The following CCDC149 variants were observed in gnomAD, a reference collection of about 807,000 sequenced individuals.
CCDC149 encodes the protein coiled-coil domain containing 149.
In CCDC149, 45 loss-of-function variants were observed where a neutral mutation model predicts 59.9. The observed-to-expected ratio is 0.75, with a 90% CI of 0.59 to 0.96. The LOEUF (loss-of-function observed/expected upper bound fraction) is 0.96. Ranked by LOEUF, CCDC149 falls within the 40% of genes least tolerant of loss-of-function variation. CCDC149 has a pLI of 0.00. For missense variants in CCDC149, 584 were observed against 664.7 expected, an observed-to-expected ratio of 0.88 and a Z score of 1.33; for synonymous variants, 245 against 260.6, an observed-to-expected ratio of 0.94 and a Z score of 0.58.
At chr4:24,897,283 T>C (rs1720900192) in intron 1 of CCDC149, among the ~76,000 whole-genome samples, 1 of 152,006 alleles carries the variant, frequency 6.6e-6, no homozygotes, top group Admixed American at 6.6e-5. Flanking sequence ...CAGACAGAAA[T>C]AGAAGTGGTT....
intron 3 of CCDC149, among the ~76,000 whole-genome samples, chr4:24,870,629 C>G (rs1718983806): frequency 6.6e-6 from 1 of 152,174 alleles, no homozygotes; most frequent in Non-Finnish European, 1.5e-5. Context: ...AACAGACTTA[C>G]TGGGATTGAT....
chr4:24,906,525 A>C (rs868068998), intron 1 of CCDC149, among the ~76,000 whole-genome samples: 2 of 151,682 alleles, frequency 1.3e-5, no homozygotes, highest in African/African-American at 2.4e-5. Flanking sequence ...CGGCCTCCCG[A>C]GTAGCTGGGA....
At chr4:24,952,207 T>A (rs982653177) in intron 1 of CCDC149, among the ~76,000 whole-genome samples, 1 of 152,214 alleles carries the variant, frequency 6.6e-6, no homozygotes, top group Non-Finnish European at 1.5e-5. Context: ...GCCTCAAACC[T>A]TCGGCTTTGT....
chr4:24,849,681 C>T (rs1167978200), intron 4 of CCDC149, among the ~76,000 whole-genome samples: 1 of 152,200 alleles, frequency 6.6e-6, no homozygotes, highest in Admixed American at 6.5e-5. Context: ...ATATCCAAGG[C>T]AAGTAATTTC....
chr4:24,916,287 A>C (rs192019090), upstream of CCDC149, among the ~76,000 whole-genome samples: 1 of 152,316 alleles, frequency 6.6e-6, no homozygotes, highest in East Asian at 1.9e-4. Context: ...CTTTTGAGTG[A>C]TGCTTTTCAC....
At chr4:24,829,033 A>C (rs1238925855) in intron 9 of CCDC149, 2 of 152,420 alleles carry the variant, frequency 1.3e-5, no homozygotes, top group Non-Finnish European at 2.9e-5. Flanking sequence ...CAGCCTGTGG[A>C]TGCTGTCTTT....
chr4:24,926,710 C>A (rs897973145), intron 1 of CCDC149, among the ~76,000 whole-genome samples: 6 of 152,158 alleles, frequency 3.9e-5, no homozygotes, highest in Admixed American at 6.5e-5. Context: ...AATGGCGTAA[C>A]AGGGAAAGCT....
intron 4 of CCDC149, among the ~76,000 whole-genome samples, chr4:24,845,160 T>A (rs546074049): frequency 6.6e-6 from 1 of 152,302 alleles, no homozygotes; most frequent in African/African-American, 2.4e-5. Flanking sequence ...TATAGAACTT[T>A]CTTTATTTAA....
intron 1 of CCDC149, among the ~76,000 whole-genome samples, chr4:24,955,078 C>A (rs1560268614): frequency 6.6e-6 from 1 of 152,090 alleles, no homozygotes; most frequent in Non-Finnish European, 1.5e-5. Flanking sequence ...TTTTGTCTTA[C>A]TCCATTTGTG....
At chr4:24,855,591 G>GA (rs1223804384) in intron 3 of CCDC149, among the ~76,000 whole-genome samples, 1 of 138,526 alleles carries the variant, frequency 7.2e-6, no homozygotes, top group African/African-American at 2.8e-5. Flanking sequence ...AAAAAAGGAA[G>GA]AAAAAAGAAA....
intron 1 of CCDC149, among the ~76,000 whole-genome samples, chr4:24,903,430 C>T (rs1157621287): frequency 6.6e-6 from 1 of 152,142 alleles, no homozygotes; most frequent in Non-Finnish European, 1.5e-5. Flanking sequence ...GAGGGCAGAG[C>T]AAGGACTTGG....
intron 4 of CCDC149, among the ~76,000 whole-genome samples, chr4:24,846,797 G>A (rs1315579521): frequency 6.6e-6 from 1 of 152,216 alleles, no homozygotes; most frequent in Non-Finnish European, 1.5e-5. Flanking sequence ...GGCCCAGGAA[G>A]TGTAAATGTG....
intron 3 of CCDC149, among the ~76,000 whole-genome samples, chr4:24,855,639 T>TCAA (rs10639020): frequency 0.79 from 119,156 of 151,424 alleles, 46,894 homozygotes; most frequent in East Asian, 0.91. Flanking sequence ...CTGGATTTAA[T>TCAA]CAAGCCCTGA....
At chr4:24,852,643 A>C (rs1717737318) in intron 4 of CCDC149, among the ~76,000 whole-genome samples, 1 of 152,242 alleles carries the variant, frequency 6.6e-6, no homozygotes, top group African/African-American at 2.4e-5. Flanking sequence ...TTTAGCAATA[A>C]AATAAATTGG....
chr4:24,935,896 T>C (rs898965813), intron 1 of CCDC149, among the ~76,000 whole-genome samples: 2 of 152,080 alleles, frequency 1.3e-5, no homozygotes, highest in African/African-American at 4.8e-5. Flanking sequence ...CCTAGAACTC[T>C]CAATTTTTAG....
At chr4:24,955,120 T>C (rs1723430453) in intron 1 of CCDC149, among the ~76,000 whole-genome samples, 2 of 152,150 alleles carry the variant, frequency 1.3e-5, no homozygotes, top group South Asian at 4.1e-4. Context: ...GACTTGGTGA[T>C]TTATGGAGAA....
intron 2 of CCDC149, 140 bp from the exon 3 acceptor site, chr4:24,873,859 G>T: frequency 1.7e-6 from 1 of 599,322 alleles, no homozygotes; most frequent in South Asian, 2.1e-5. Context: ...GCTGAAGCAA[G>T]CTCAAATATA....
chr4:24,808,709 C>A lies in CCDC149; in HGVS notation c.1303G>T (p.Gly435Trp), dbSNP rs1314685704. 6.4e-7 allele frequency: 1 copy of A among 1,552,186 alleles called. No homozygotes were observed. The highest frequency in any genetic ancestry group is 1.4e-5 in the African/African-American group (1 of 73,050). The stretch of plus-strand genomic sequence containing the variant: ...GGATGAAAGAGCTTGCATTGGTTCC[C>A]GCGGCTCTGATTTGCTGGGGAGTTG... Residue 435 changes from glycine to tryptophan, a missense_variant, in exon 13 of 13, where the codon GGG (glycine) becomes TGG (tryptophan). Transcript: ENST00000635206.
intron 1 of CCDC149, among the ~76,000 whole-genome samples, chr4:24,929,735 T>G (rs982624099): frequency 2.6e-5 from 4 of 152,222 alleles, no homozygotes; most frequent in Non-Finnish European, 5.9e-5. Context: ...CATCGCAGAA[T>G]CTTCCAGCTA....
Sources: gnomAD v4.1 joint callset for allele counts (sites outside exome capture counted in the v4.1 genomes callset) on GRCh38, gnomAD v4.1.1 for gene constraint, MANE v1.5 for transcripts, NCBI Gene and HGNC (gene_info 2026-07-23, HGNC 2026-07-21) for gene names.